The following FAM13A variants were observed in gnomAD, a reference collection of about 807,000 sequenced individuals.
FAM13A encodes the protein family with sequence similarity 13 member A.
In FAM13A, 76 loss-of-function variants were observed where a neutral mutation model predicts 129.6. The ratio of observed to expected loss-of-function variants is 0.59; its 90% CI spans 0.49 to 0.71. The LOEUF (loss-of-function observed/expected upper bound fraction) is 0.71. Ranked by LOEUF, FAM13A falls within the 30% of genes least tolerant of loss-of-function variation. The pLI is 0.00. For missense variants in FAM13A, 1,108 were observed against 1,249.3 expected (o/e 0.89, Z 1.70); for synonymous variants, 443 against 449.9 (o/e 0.98, Z 0.20).
At chr4:89,015,209 C>A (rs1766314801) in intron 3 of FAM13A, among the ~76,000 whole-genome samples, 2 of 152,164 alleles carry the variant, frequency 1.3e-5, no homozygotes, top group Non-Finnish European at 2.9e-5. Context: ...CAATGTGTGC[C>A]TGAAACTTCA....
At chr4:88,965,392 A>C (rs1759218787) in intron 4 of FAM13A, among the ~76,000 whole-genome samples, 1 of 152,224 alleles carries the variant, frequency 6.6e-6, no homozygotes, top group Non-Finnish European at 1.5e-5. Flanking sequence ...GTTCTTCTTT[A>C]CATTACAAAG....
intron 7 of FAM13A, among the ~76,000 whole-genome samples, chr4:88,833,842 C>T (rs569117872): frequency 2.2e-4 from 33 of 152,006 alleles, no homozygotes; most frequent in African/African-American, 6.0e-4. Flanking sequence ...GCTGAGATCA[C>T]GCCACTGCAC....
chr4:88,729,120 T>C (rs2149378001), intron 23 of FAM13A: 1 of 153,264 alleles, frequency 6.5e-6, no homozygotes, highest in East Asian at 1.9e-4. Flanking sequence ...ATCATAAAAC[T>C]GTGTTAGAAT....
chr4:88,901,305 T>C (rs1747262809), intron 6 of FAM13A, among the ~76,000 whole-genome samples: 1 of 152,140 alleles, frequency 6.6e-6, no homozygotes, highest in African/African-American at 2.4e-5. Flanking sequence ...GATAGATACC[T>C]ACAGAACTCT....
chr4:89,014,224 C>T lies in FAM13A; in HGVS notation c.427+6236G>A, dbSNP rs114616256. ...GTAGGAACGCACTCAGTAAGCCTACCGTATTTGCCATTGATTTTGAACTAT... is the reference window on the plus strand; with the variant it reads ...GTAGGAACGCACTCAGTAAGCCTACTGTATTTGCCATTGATTTTGAACTAT... On this transcript the variant is annotated intron_variant, in intron 3 of 23. Coordinates refer to ENST00000264344, the MANE Select transcript of FAM13A (RefSeq NM_014883.4). Among the ~76,000 whole-genome samples, 693 of 152,246 alleles carry T rather than the reference C, an allele frequency of 4.6e-3. 5 individuals are homozygous for T. The highest frequency in any genetic ancestry group is 0.014 in the Middle Eastern group (4 of 294).
chr4:89,040,173 A>G (rs1051177878), intron 1 of FAM13A, among the ~76,000 whole-genome samples: 6 of 152,184 alleles, frequency 3.9e-5, no homozygotes, highest in Non-Finnish European at 8.8e-5. Context: ...ATGTCTTCAA[A>G]TACTAAAATA....
intron 6 of FAM13A, among the ~76,000 whole-genome samples, chr4:88,896,960 G>C (rs924277438): frequency 6.6e-6 from 1 of 152,092 alleles, no homozygotes; most frequent in African/African-American, 2.4e-5. Context: ...TTTTGGTAAG[G>C]TTAAGAATGC....
chr4:88,932,148 G>C (rs1322246979), intron 5 of FAM13A, among the ~76,000 whole-genome samples: 1 of 152,178 alleles, frequency 6.6e-6, no homozygotes, highest in Non-Finnish European at 1.5e-5. Context: ...TCATGGCACT[G>C]ATGGCCTCAG....
intron 6 of FAM13A, among the ~76,000 whole-genome samples, chr4:88,871,836 A>G (rs921146183): frequency 1.3e-5 from 2 of 152,174 alleles, no homozygotes; most frequent in Non-Finnish European, 2.9e-5. Context: ...CCCAAGACAC[A>G]TAATTGTCAG....
chr4:88,805,059 G>C lies in FAM13A; in HGVS notation c.1008-7C>G. On this transcript the variant is annotated splice_polypyrimidine_tract_variant and splice_region_variant and intron_variant, in intron 7 of 23. Coordinates refer to ENST00000264344, the MANE Select transcript of FAM13A (RefSeq NM_014883.4). ...TCTTTCATCTTCCTGTGAACTAAAA[G>C]GAAAATAAATTTTGAATTAATATAA... The C allele has an allele frequency of 6.9e-7, 1 of 1,457,374 alleles. No homozygotes were observed. The allele number at this position is 1,457,374 out of a possible 1,614,324, so 90.3% of individuals were successfully genotyped here.
chr4:88,991,361 C>G (rs1178222408), intron 3 of FAM13A, among the ~76,000 whole-genome samples: 2 of 152,058 alleles, frequency 1.3e-5, no homozygotes, highest in African/African-American at 4.8e-5. Flanking sequence ...TGGCATGAAC[C>G]CGGGAGGCGG....
intron 4 of FAM13A, among the ~76,000 whole-genome samples, chr4:88,958,294 C>A (rs1758077394): frequency 6.6e-6 from 1 of 152,196 alleles, no homozygotes; most frequent in Non-Finnish European, 1.5e-5. Flanking sequence ...GCCCTGCTAC[C>A]CTGCACCGCT....
Position 88,841,162 on chromosome 4 carries a change from T to C in FAM13A, c.1007+9858A>G, listed in dbSNP as rs187582245. Among the ~76,000 whole-genome samples the C allele has an allele frequency of 5.3e-5, 8 of 152,310 alleles. No individual in the cohort carries two copies. The East Asian group carries it at 1.5e-3, about 29-fold the overall frequency. ...CAAGAAAATAATAGATTAATTGGACTTCATCAAAATTAAAAATTTTGTGCT... is the reference window on the plus strand; with the variant it reads ...CAAGAAAATAATAGATTAATTGGACCTCATCAAAATTAAAAATTTTGTGCT... On this transcript the variant is annotated intron_variant, in intron 7 of 23. Transcript: ENST00000264344.
At chr4:88,735,730 G>C (rs1738845996) in intron 21 of FAM13A, among the ~76,000 whole-genome samples, 1 of 152,130 alleles carries the variant, frequency 6.6e-6, no homozygotes. Context: ...AATAGGCCTG[G>C]CCAACAGGAA....
intron 16 of FAM13A, 146 bp downstream of exon 16, chr4:88,749,625 G>T: frequency 1.5e-6 from 1 of 661,540 alleles, no homozygotes; most frequent in East Asian, 2.8e-5. Context: ...GGTTTATCAG[G>T]GTGTACTATC....
intron 4 of FAM13A, among the ~76,000 whole-genome samples, chr4:88,974,334 C>T (rs1001823354): frequency 6.6e-6 from 1 of 152,120 alleles, no homozygotes; most frequent in Non-Finnish European, 1.5e-5. Context: ...ACTTGTTTTT[C>T]CTGTGACCTC....
chr4:88,831,068 A>C (rs1291795424), intron 7 of FAM13A, among the ~76,000 whole-genome samples: 1 of 152,164 alleles, frequency 6.6e-6, no homozygotes, highest in Non-Finnish European at 1.5e-5. Flanking sequence ...AAAATTTTCG[A>C]GACAACTTAT....
intron 23 of FAM13A, chr4:88,729,285 C>T (rs1219122948): frequency 2.6e-5 from 4 of 152,194 alleles, no homozygotes; most frequent in Non-Finnish European, 5.9e-5. Flanking sequence ...CCTTATAACA[C>T]CTTGATGAGA....
intron 6 of FAM13A, among the ~76,000 whole-genome samples, chr4:88,881,365 A>G (rs1019008867): frequency 6.6e-6 from 1 of 152,220 alleles, no homozygotes; most frequent in South Asian, 2.1e-4. Context: ...GGCTAGATCC[A>G]GAAAAGGAGT....
Sources: allele counts gnomAD v4.1 joint callset (sites outside exome capture counted in the v4.1 genomes callset), GRCh38; gene constraint gnomAD v4.1.1; transcripts MANE v1.5; gene names NCBI Gene and HGNC (gene_info 2026-07-23, HGNC 2026-07-21).